The following TDP1 variants were observed in gnomAD, a reference collection of about 807,000 sequenced individuals.
The protein encoded by TDP1 is tyr-DNA phosphodiesterase 1.
A neutral mutation model predicts 81.5 loss-of-function variants in TDP1; 64 were observed. That is an observed-to-expected ratio of 0.79 (90% CI 0.64 to 0.97). TDP1 has a LOEUF of 0.97. TDP1 is among the 50% of genes least tolerant of loss of function. TDP1 has a pLI of 0.00. For synonymous variants in TDP1, 256 were observed against 264.3 expected (o/e 0.97, Z 0.30); for missense variants, 723 against 743.8 (o/e 0.97, Z 0.33).
chr14:90,030,615 C>G (rs1005066403), intron 15 of TDP1, among the ~76,000 whole-genome samples: 2 of 152,154 alleles, frequency 1.3e-5, no homozygotes, highest in Non-Finnish European at 2.9e-5. Flanking sequence ...GCCATTTGCT[C>G]TTATGCAGAA....
intron 14 of TDP1, among the ~76,000 whole-genome samples, chr14:89,995,705 CAGAA>C (rs1036466062): frequency 1.3e-5 from 2 of 152,174 alleles, no homozygotes; most frequent in Non-Finnish European, 2.9e-5. Flanking sequence ...CTGAACCTGT[CAGAA>C]AGAATGTTCC....
intron 10 of TDP1, chr14:89,988,673 T>C: frequency 1.0e-6 from 1 of 981,710 alleles, no homozygotes. Flanking sequence ...AATCAAATAA[T>C]TTTGGAAAGG....
chr14:89,980,547 ATGC>A lies in TDP1; in HGVS notation c.807_809del (p.Leu270del). ...CCTTTGCTGTTTTTAAAGGAAAATG[ATGC>A]TGCTGCTCTATGAAGAAGGCCTCCG... On this transcript the variant is annotated inframe_deletion, in exon 8 of 17. Transcript: ENST00000335725. The A allele has an allele frequency of 6.2e-7, 1 of 1,613,980 alleles. No individual in the cohort carries two copies. The highest frequency in any genetic ancestry group is 8.5e-7 in the Non-Finnish European group (1 of 1,179,850).
intron 16 of TDP1, among the ~76,000 whole-genome samples, chr14:90,039,310 C>T (rs1888131339): frequency 6.6e-6 from 1 of 152,230 alleles, no homozygotes; most frequent in East Asian, 1.9e-4. Context: ...GCATTTCTAG[C>T]TGGCATGTCT....
intron 5 of TDP1, 62 bp downstream of exon 5, chr14:89,967,484 T>C: frequency 7.1e-7 from 1 of 1,408,322 alleles, no homozygotes; most frequent in Admixed American, 1.7e-5. Flanking sequence ...CACCTAAGAT[T>C]TGTATTTCTC....
In TDP1 at chr14:89,993,446, C is replaced by G; in HGVS notation, c.1504C>G (p.Pro502Ala). Residue 502 changes from proline (P) to alanine (A), a missense_variant, in exon 14 of 17, where the codon CCA becomes GCA. Pro to Ala is a conservative substitution (Grantham distance 27). Coordinates refer to ENST00000335725, the MANE Select transcript of TDP1 (RefSeq NM_018319.4). Reference sequence around the variant, plus strand: ...TATTAAGACATATATGAGGCCTTCTCCAGACTTCAGTAAAATTGCTTGGTT... The same window carrying G: ...TATTAAGACATATATGAGGCCTTCTGCAGACTTCAGTAAAATTGCTTGGTT... ...PHIKTYMRPS[P>A]DFSKIAWFLV... 6.2e-7 allele frequency: 1 copy of G among 1,613,836 alleles called. No individual in the cohort carries two copies. Among genetic ancestry groups the G allele is most frequent in the Non-Finnish European group, 8.5e-7 (1 of 1,179,842 alleles).
At chr14:89,963,722 C>G in intron 3 of TDP1, 49 bp downstream of exon 3, 2 of 1,602,100 alleles carry the variant, frequency 1.2e-6, no homozygotes, top group African/African-American at 1.3e-5. Context: ...CCTTGAGAGT[C>G]TCTCCTCCGT....
intron 6 of TDP1, 85 bp downstream of exon 6, chr14:89,971,356 C>A: frequency 1.0e-6 from 1 of 960,362 alleles, no homozygotes; most frequent in Non-Finnish European, 1.7e-6. Flanking sequence ...TCACTTAGTG[C>A]AGAAATCCTC....
chr14:90,032,961 C>A, intron 15 of TDP1, 145 bp from the exon 16 acceptor site: 1 of 1,198,544 alleles, frequency 8.3e-7, no homozygotes, highest in South Asian at 1.5e-5. Context: ...AATATATTTG[C>A]CTATGAACAT....
Position 89,963,350 on chromosome 14 carries a change from G to C in TDP1, c.236G>C (p.Ser79Thr), listed in dbSNP as rs148927677. 2.9e-4 allele frequency: 473 copies of C among 1,614,188 alleles called. No homozygotes were observed. The highest frequency in any genetic ancestry group is 3.8e-4 in the Non-Finnish European group (449 of 1,180,034). Residue 79 changes from serine (S) to threonine (T), a missense_variant, in exon 3 of 17, where the codon AGC becomes ACC. By Grantham distance (58) the Ser-to-Thr change is moderately conservative. Transcript: ENST00000335725. ...GTTTTACCTCCCAAAAGGCAGAAAAGCGGTTCCCAGGAGGACCTCGGCTGG... is the reference window on the plus strand; with the variant it reads ...GTTTTACCTCCCAAAAGGCAGAAAACCGGTTCCCAGGAGGACCTCGGCTGG... ...DSVLPPKRQKSGSQEDLGWCL... is the reference protein window; with the variant it reads ...DSVLPPKRQKTGSQEDLGWCL...
intron 14 of TDP1, among the ~76,000 whole-genome samples, chr14:90,014,006 A>T (rs1367698869): frequency 3.9e-5 from 6 of 152,210 alleles, no homozygotes; most frequent in Non-Finnish European, 7.3e-5. Context: ...GTATGTCTTT[A>T]TTAGCTGCGT....
chr14:89,994,975 A>G (rs567096907), intron 14 of TDP1, among the ~76,000 whole-genome samples: 2 of 152,374 alleles, frequency 1.3e-5, no homozygotes, highest in South Asian at 4.1e-4. Flanking sequence ...AGTTAAGTCA[A>G]AAAACATCCA....
At chr14:90,004,131 T>A (rs2140189048) in intron 14 of TDP1, among the ~76,000 whole-genome samples, 1 of 152,180 alleles carries the variant, frequency 6.6e-6, no homozygotes, top group East Asian at 1.9e-4. Flanking sequence ...TGACTCAAGG[T>A]CATATTACTA....
intron 15 of TDP1, among the ~76,000 whole-genome samples, chr14:90,030,960 A>T (rs1422455709): frequency 2.0e-5 from 3 of 151,420 alleles, no homozygotes; most frequent in South Asian, 2.1e-4. Context: ...TTTATTAGAG[A>T]TGTGGTTTCA....
At chr14:89,958,632 A>G (rs965065940) in intron 2 of TDP1, among the ~76,000 whole-genome samples, 3 of 152,248 alleles carry the variant, frequency 2.0e-5, no homozygotes, top group African/African-American at 7.2e-5. Flanking sequence ...GGAAGGGTAG[A>G]TATATGTAAA....
Position 90,043,418 on chromosome 14 carries a change from G to T in TDP1, c.*275G>T. The T allele has an allele frequency of 1.9e-6, 1 of 527,976 alleles. No homozygotes were observed. Among genetic ancestry groups the T allele is most frequent in the South Asian group, 2.2e-5 (1 of 44,724 alleles). 32.7% of individuals were successfully genotyped at this position (527,976 alleles called of 1,614,324 possible). A position where few individuals can be genotyped will look rare whatever the true frequency, so the allele number is the denominator to read the frequency against. ...AATACGTACTGCTTGAGTATCCCCT[G>T]TCTGAAATGCTTGGGACCAGAAGTG... On this transcript the variant is annotated 3_prime_UTR_variant, in exon 17 of 17. Transcript: ENST00000335725.
intron 16 of TDP1, among the ~76,000 whole-genome samples, chr14:90,041,140 C>G (rs1888312289): frequency 6.6e-6 from 1 of 152,166 alleles, no homozygotes; most frequent in South Asian, 2.1e-4. Flanking sequence ...TGAAGCAGAG[C>G]TGATGTTACC....
Position 89,963,277 on chromosome 14 carries a change from G to A in TDP1, c.163G>A (p.Ala55Thr), listed in dbSNP as rs1420693256. The change falls in exon 3 of 17, where the codon GCA (alanine) becomes ACA (threonine). Residue 55 changes from alanine to threonine, a missense_variant. By Grantham distance (58) the Ala-to-Thr change is moderately conservative (BLOSUM62 0). Coordinates refer to ENST00000335725, the MANE Select transcript of TDP1 (RefSeq NM_018319.4). ...RYTCSEAQKA[A>T]HKRKISPVKF... ...CACCTGTTCCGAGGCCCAGAAAGCT[G>A]CACACAAGAGGAAAATATCACCTGT... is the stretch of plus-strand genomic sequence containing the variant. 5.0e-6 allele frequency: 8 copies of A among 1,614,168 alleles called. No individual in the cohort carries two copies. Among genetic ancestry groups the A allele is most frequent in the Non-Finnish European group, 6.8e-6 (8 of 1,180,018 alleles).
At chr14:89,989,451 A>G (rs1002425573) in intron 11 of TDP1, 60 of 978,712 alleles carry the variant, frequency 6.1e-5, no homozygotes, top group Non-Finnish European at 6.8e-5. Context: ...AGAACTGTGA[A>G]TTAATAATTA....
Sources: gnomAD v4.1 joint callset for allele counts (sites outside exome capture counted in the v4.1 genomes callset) on GRCh38, gnomAD v4.1.1 for gene constraint, MANE v1.5 for transcripts, NCBI Gene and HGNC (gene_info 2026-07-23, HGNC 2026-07-21) for gene names.